CYP2J2: variants seen among roughly 807,000 people sequenced by gnomAD.
CYP2J2 encodes the protein cytochrome P450 family 2 subfamily J member 2.
Under a neutral mutation model 48.8 loss-of-function variants are expected in CYP2J2, and 41 were observed. That is an observed-to-expected ratio of 0.84 (90% CI 0.66 to 1.09). The LOEUF is 1.09. Among genes scored for constraint, CYP2J2 ranks in the 50% least tolerant of loss-of-function variants. CYP2J2 has a pLI of 0.00. For synonymous variants in CYP2J2, 221 were observed against 227.1 expected (o/e 0.97, Z 0.24); for missense variants, 644 against 617.3 (o/e 1.04, Z -0.46).
At chr1:59,929,609 T>A (rs1343868471), upstream of CYP2J2, among the ~76,000 whole-genome samples, 1 of 151,902 alleles carries the variant, frequency 6.6e-6, no homozygotes, top group Non-Finnish European at 1.5e-5. Context: ...GAATTGAAAA[T>A]TGCAATAACT....
At chr1:59,930,638 G>A (rs1264884872), upstream of CYP2J2, among the ~76,000 whole-genome samples, 3 of 151,856 alleles carry the variant, frequency 2.0e-5, no homozygotes, top group East Asian at 1.9e-4. Context: ...TATGTATTCT[G>A]TATATTAATC....
the CYP2J2 span, among the ~76,000 whole-genome samples, chr1:59,939,898 T>C: frequency 6.6e-6 from 1 of 152,020 alleles, no homozygotes; most frequent in African/African-American, 2.4e-5. Flanking sequence ...CTACCACCAA[T>C]GTTTCCTTAT....
rs1376632928 is a variant in CYP2J2, at chr1:59,900,889, A to C, written c.1330+76T>G. 4.0e-6 allele frequency: 6 copies of C among 1,514,734 alleles called. No individual in the cohort carries two copies. In the East Asian group the frequency reaches 9.1e-5, roughly 23 times the overall value. 93.8% of individuals were successfully genotyped at this position (1,514,734 alleles called of 1,614,324 possible). Reference sequence around the variant, plus strand: ...GTCTGGAGACATTCCAATGAAAACAAGGGAAAACAGGAGAGAGCAGGGGAG... The same window carrying C: ...GTCTGGAGACATTCCAATGAAAACACGGGAAAACAGGAGAGAGCAGGGGAG... On this transcript the variant is annotated intron_variant, in intron 8 of 8. Coordinates refer to ENST00000371204, the MANE Select transcript of CYP2J2 (RefSeq NM_000775.4).
intron 1 of CYP2J2, among the ~76,000 whole-genome samples, chr1:59,923,246 G>A (rs1479494217): frequency 6.6e-6 from 1 of 152,234 alleles, no homozygotes; most frequent in African/African-American, 2.4e-5. Flanking sequence ...TAAAAGTGGA[G>A]TAGACCAGAA....
chr1:59,926,593 A>C lies in CYP2J2; in HGVS notation c.154T>G (p.Phe52Val), dbSNP rs1390966414. The C allele has an allele frequency of 6.2e-7, 1 of 1,614,228 alleles. No individual in the cohort carries two copies. The highest frequency in any genetic ancestry group is 2.2e-5 in the East Asian group (1 of 44,880). Residue 52 changes from phenylalanine to valine, a missense_variant, in exon 1 of 9, where the codon TTC becomes GTC. Physicochemically the swap from Phe to Val is conservative, Grantham distance 50. Coordinates refer to ENST00000371204, the MANE Select transcript of CYP2J2 (RefSeq NM_000775.4). ...TCCACAAGGAAGAAGTTGCCAAGGAAGGGCAGGCGCCAGGGCCCCGGCGGG... is the reference window on the plus strand; with the variant it reads ...TCCACAAGGAAGAAGTTGCCAAGGACGGGCAGGCGCCAGGGCCCCGGCGGG... ...NYPPGPWRLP[F>V]LGNFFLVDFE... is the part of the protein sequence containing the mutation.
At chr1:59,900,867 T>C in intron 8 of CYP2J2, 98 bp downstream of exon 8, 1 of 1,409,500 alleles carries the variant, frequency 7.1e-7, no homozygotes, top group Non-Finnish European at 9.8e-7. Flanking sequence ...CCAGGCTGTC[T>C]GGAGACATTC....
At chr1:59,900,935 A>C in intron 8 of CYP2J2, 30 bp downstream of exon 8, 1 of 1,602,324 alleles carries the variant, frequency 6.2e-7, no homozygotes, top group Non-Finnish European at 8.5e-7. Context: ...GGGGCCCTGG[A>C]CTCCCACACA....
intron 1 of CYP2J2, among the ~76,000 whole-genome samples, chr1:59,922,283 G>T (rs184283294): frequency 6.6e-6 from 1 of 152,076 alleles, no homozygotes; most frequent in Non-Finnish European, 1.5e-5. Context: ...CAGTCATTTT[G>T]CTCCATGGTA....
At chr1:59,956,033 A>G in the CYP2J2 span, among the ~76,000 whole-genome samples, 2 of 152,278 alleles carry the variant, frequency 1.3e-5, no homozygotes, top group African/African-American at 4.8e-5. Context: ...ATATATACAG[A>G]GATGTATACA....
the CYP2J2 span, among the ~76,000 whole-genome samples, chr1:59,956,090 A>G: frequency 0.1 from 15,217 of 152,184 alleles, 781 homozygotes; most frequent in Middle Eastern, 0.13. Flanking sequence ...ACACATATAT[A>G]GGGAGAAAGT....
At chr1:59,963,418 T>G in the CYP2J2 span, among the ~76,000 whole-genome samples, 3 of 152,206 alleles carry the variant, frequency 2.0e-5, no homozygotes, top group Non-Finnish European at 4.4e-5. Flanking sequence ...TTGCCTATTT[T>G]AGATATTCCA....
chr1:59,936,409 C>A, the CYP2J2 span, among the ~76,000 whole-genome samples: 1 of 152,144 alleles, frequency 6.6e-6, no homozygotes, highest in African/African-American at 2.4e-5. Context: ...CCCAAAACTC[C>A]ATAATCATGC....
chr1:59,907,633 A>G (rs2271798), intron 6 of CYP2J2, among the ~76,000 whole-genome samples, 153 bp downstream of exon 6: 34,232 of 152,064 alleles, frequency 0.23, 4,877 homozygotes, highest in African/African-American at 0.41. Flanking sequence ...GACAGAAAAT[A>G]TGAAGAATGT....
the CYP2J2 span, among the ~76,000 whole-genome samples, chr1:59,964,481 A>G: frequency 3.3e-4 from 51 of 152,372 alleles, no homozygotes; most frequent in African/African-American, 1.2e-3. Flanking sequence ...AGCACAGGTC[A>G]CATGTCTATA....
At chr1:59,919,907 G>A (rs1250703026) in intron 1 of CYP2J2, among the ~76,000 whole-genome samples, 1 of 152,062 alleles carries the variant, frequency 6.6e-6, no homozygotes, top group Admixed American at 6.6e-5. Context: ...GGCACCTTCT[G>A]GCACTGGCAT....
the CYP2J2 span, among the ~76,000 whole-genome samples, chr1:59,933,716 C>T: frequency 1.1e-4 from 16 of 151,848 alleles, no homozygotes; most frequent in African/African-American, 3.6e-4. Context: ...TGCAAGACAT[C>T]GCTAAAAAAA....
At chr1:59,951,318 A>G in the CYP2J2 span, among the ~76,000 whole-genome samples, 19,342 of 152,118 alleles carry the variant, frequency 0.13, 1,704 homozygotes, top group African/African-American at 0.26. Context: ...TCCAATTCCC[A>G]CATGGCTTTC....
Position 59,905,994 on chromosome 1 carries a change from G to A in CYP2J2, c.1004-936C>T, listed in dbSNP as rs571576928. On this transcript the variant is annotated intron_variant, in intron 6 of 8. Coordinates refer to ENST00000371204, the MANE Select transcript of CYP2J2 (RefSeq NM_000775.4). ...GAGGTCAGGAGATCGAGACCATCCTGGCTAACACGGTGAAATCCCATCTCT... is the reference window on the plus strand; with the variant it reads ...GAGGTCAGGAGATCGAGACCATCCTAGCTAACACGGTGAAATCCCATCTCT... Among the ~76,000 whole-genome samples the A allele has an allele frequency of 4.6e-5, 7 of 152,244 alleles. No homozygotes were observed. The South Asian group carries it at 1.2e-3, about 27-fold the overall frequency.
chr1:59,968,966 C>T, the CYP2J2 span, among the ~76,000 whole-genome samples: 6 of 152,112 alleles, frequency 3.9e-5, no homozygotes, highest in African/African-American at 1.4e-4. Context: ...TGTGGTCTCG[C>T]TGGCTCAGGA....
Sources: gnomAD v4.1 joint callset for allele counts (sites outside exome capture counted in the v4.1 genomes callset) on GRCh38, gnomAD v4.1.1 for gene constraint, MANE v1.5 for transcripts, NCBI Gene and HGNC (gene_info 2026-07-23, HGNC 2026-07-21) for gene names.